The following LRRN2 variants were observed in gnomAD, a reference collection of about 807,000 sequenced individuals.
LRRN2 encodes the protein leucine rich repeat neuronal 2.
LRRN2 carries 10 observed loss-of-function variants against 35.7 expected under a neutral mutation model. The ratio of observed to expected loss-of-function variants is 0.28; its 90% CI spans 0.17 to 0.47. LRRN2 has a LOEUF of 0.47. Among genes scored for constraint, LRRN2 ranks in the 20% least tolerant of loss-of-function variants. The pLI is 0.99. For missense variants in LRRN2, 731 were observed against 940.3 expected (o/e 0.78, Z 2.91); for synonymous variants, 391 against 409.6 (o/e 0.95, Z 0.55).
chr1:204,675,172 T>C (rs1668799694), intron 1 of LRRN2, among the ~76,000 whole-genome samples: 1 of 152,296 alleles, frequency 6.6e-6, no homozygotes, highest in South Asian at 2.1e-4. Flanking sequence ...AAACCAGGCT[T>C]CTCGGAGCCA....
intron 1 of LRRN2, among the ~76,000 whole-genome samples, chr1:204,678,433 G>A (rs1308104921): frequency 6.6e-6 from 1 of 152,158 alleles, no homozygotes. Flanking sequence ...AGCTGGAATG[G>A]ATGGCCAACG....
At chr1:204,620,355 C>T in intron 1 of LRRN2, 137 bp from the exon 2 acceptor site, 1 of 359,512 alleles carries the variant, frequency 2.8e-6, no homozygotes, top group Non-Finnish European at 4.6e-6. Flanking sequence ...CTGACTGCAT[C>T]CTCCGCCTCC....
At chr1:204,674,103 T>G (rs1668770046) in intron 1 of LRRN2, among the ~76,000 whole-genome samples, 2 of 152,158 alleles carry the variant, frequency 1.3e-5, no homozygotes, top group South Asian at 4.1e-4. Context: ...CATATCTGTC[T>G]GTCCATCTGT....
chr1:204,668,365 C>T (rs991620696), intron 1 of LRRN2, among the ~76,000 whole-genome samples: 1 of 152,234 alleles, frequency 6.6e-6, no homozygotes, highest in South Asian at 2.1e-4. Flanking sequence ...GAGGCCGAGG[C>T]GGGCAGATCA....
Position 204,618,228 on chromosome 1 carries a change from G to A in LRRN2, c.1765C>T (p.Gln589Ter). 6.2e-7 allele frequency: 1 copy of A among 1,613,856 alleles called. No homozygotes were observed. The highest frequency in any genetic ancestry group is 8.5e-7 in the Non-Finnish European group (1 of 1,179,912). ...THSYNITRLLQATEYWACLQV... is the reference protein window; with the variant it reads ...THSYNITRLL The stretch of plus-strand genomic sequence containing the variant: ...AGGCAGGCCCAGTACTCCGTGGCCT[G>A]AAGGAGGCGGGTAATGTTGTAGCTG... The change falls in exon 2 of 2, where the codon CAG becomes TAG. Residue 589 changes from glutamine to a stop codon, truncating the protein, a stop_gained. Transcript: ENST00000367177. LOFTEE classifies it high-confidence loss of function.
In LRRN2 at chr1:204,618,130, G is replaced by A. The variant is rs1666505144; in HGVS notation, c.1863C>T (p.Cys621=). 1 of 1,614,108 alleles carries A rather than the reference G, an allele frequency of 6.2e-7. No homozygotes were observed. The highest frequency in any genetic ancestry group is 8.5e-7 in the Non-Finnish European group (1 of 1,179,978). ...VWARTKEATS[C]HRALGDRPGL... ...CAGGACGGTCCCCTAAGGCTCTGTG[G>A]CAAGAAGTGGCCTCTTTGGTCCTGG... Residue 621 remains cysteine (C), a synonymous_variant, in exon 2 of 2, where the codon TGC becomes TGT. Coordinates refer to ENST00000367177, the MANE Select transcript of LRRN2 (RefSeq NM_201630.2).
At position 204,649,498 on chromosome 1, in the gene LRRN2, C is replaced by G. The variant is rs557679894; in HGVS notation, c.-226-29280G>C. On this transcript the variant is annotated intron_variant, in intron 1 of 1. Transcript: ENST00000367177. ...TGGTAGAAGAACATGGACAGGGTTGCCCGGGATGCTTTATTTTCTTCTTTC... is the reference window on the plus strand; with the variant it reads ...TGGTAGAAGAACATGGACAGGGTTGGCCGGGATGCTTTATTTTCTTCTTTC... 9.1e-4 allele frequency among the ~76,000 whole-genome samples: 139 copies of G among 152,300 alleles called. 1 individual carries two copies. Among genetic ancestry groups the G allele is most frequent in the African/African-American group, 3.2e-3 (131 of 41,560 alleles).
intron 1 of LRRN2, among the ~76,000 whole-genome samples, chr1:204,641,383 T>C (rs779516421): frequency 1.3e-5 from 2 of 152,230 alleles, no homozygotes; most frequent in Admixed American, 1.3e-4. Flanking sequence ...AAAATAAGTA[T>C]CTTTTTCTTT....
intron 1 of LRRN2, among the ~76,000 whole-genome samples, chr1:204,639,787 A>G (rs1667939268): frequency 6.6e-6 from 1 of 152,156 alleles, no homozygotes; most frequent in South Asian, 2.1e-4. Flanking sequence ...ATAAAACTCT[A>G]TTATATTATT....
chr1:204,682,362 C>A (rs1020144048), intron 1 of LRRN2, among the ~76,000 whole-genome samples: 1 of 152,170 alleles, frequency 6.6e-6, no homozygotes, highest in Non-Finnish European at 1.5e-5. Flanking sequence ...AATCCTTATA[C>A]ATATTAATAG....
At chr1:204,639,407 G>A (rs1667931208) in intron 1 of LRRN2, among the ~76,000 whole-genome samples, 1 of 152,200 alleles carries the variant, frequency 6.6e-6, no homozygotes, top group Admixed American at 6.5e-5. Flanking sequence ...GCCCAGTTGG[G>A]AGGATCACTT....
At chr1:204,649,039 G>A (rs1002254601) in intron 1 of LRRN2, among the ~76,000 whole-genome samples, 5 of 152,228 alleles carry the variant, frequency 3.3e-5, no homozygotes, top group African/African-American at 1.2e-4. Context: ...GCTTCAGAAA[G>A]TACACCAGGT....
chr1:204,666,899 T>C (rs1190333234), intron 1 of LRRN2, among the ~76,000 whole-genome samples: 1 of 141,274 alleles, frequency 7.1e-6, no homozygotes, highest in Non-Finnish European at 1.5e-5. Context: ...GAGGCAGAGG[T>C]TGCAGTGAGC....
chr1:204,617,565 G>T lies in LRRN2; in HGVS notation c.*286C>A. 1 of 430,276 alleles carries T rather than the reference G, an allele frequency of 2.3e-6. No homozygotes were observed. The highest frequency in any genetic ancestry group is 4.2e-6 in the Non-Finnish European group (1 of 237,084). The allele number at this position is 430,276 out of a possible 1,614,324, so 26.7% of individuals were successfully genotyped here. ...CCAAGCCAGGCCCAGGAGCCTCTGG[G>T]CAGAGAGAAGATGGGGAGGCAGGAG... On this transcript the variant is annotated 3_prime_UTR_variant, in exon 2 of 2. Transcript: ENST00000367177.
chr1:204,661,793 C>T (rs1337751441), intron 1 of LRRN2, among the ~76,000 whole-genome samples: 2 of 152,156 alleles, frequency 1.3e-5, no homozygotes, highest in African/African-American at 4.8e-5. Context: ...ACAGCAAAAG[C>T]GGTAGCAGGA....
chr1:204,650,784 A>G (rs1324045488), intron 1 of LRRN2, among the ~76,000 whole-genome samples: 2 of 152,114 alleles, frequency 1.3e-5, no homozygotes, highest in Admixed American at 6.5e-5. Flanking sequence ...GAACAACTCA[A>G]ACACAATCTC....
intron 1 of LRRN2, among the ~76,000 whole-genome samples, chr1:204,647,420 G>T (rs1002185367): frequency 1.3e-5 from 2 of 152,158 alleles, no homozygotes; most frequent in African/African-American, 4.8e-5. Flanking sequence ...TTTTGATAGA[G>T]GTGCCATTCA....
chr1:204,655,722 C>T (rs1571667344), intron 1 of LRRN2, among the ~76,000 whole-genome samples: 1 of 152,230 alleles, frequency 6.6e-6, no homozygotes, highest in East Asian at 1.9e-4. Context: ...GAACAAGATC[C>T]AGCCTCTGTC....
chr1:204,657,735 G>A (rs1668390648), intron 1 of LRRN2, among the ~76,000 whole-genome samples: 2 of 152,130 alleles, frequency 1.3e-5, no homozygotes, highest in South Asian at 4.1e-4. Context: ...TTTATGGTAT[G>A]TGAATTATAT....
Sources: gnomAD v4.1 joint callset for allele counts (sites outside exome capture counted in the v4.1 genomes callset) on GRCh38, gnomAD v4.1.1 for gene constraint, MANE v1.5 for transcripts, NCBI Gene and HGNC (gene_info 2026-07-23, HGNC 2026-07-21) for gene names.